Variants in XKR4 observed in about 807,000 individuals in gnomAD.
XKR4 encodes XK related 4.
A neutral mutation model predicts 53.9 loss-of-function variants in XKR4; 12 were observed. The observed-to-expected ratio is 0.22, with a 90% CI of 0.14 to 0.36. XKR4 has a LOEUF of 0.36. Among genes scored for constraint, XKR4 ranks in the 10% least tolerant of loss-of-function variants. XKR4 has a pLI of 1.00. For synonymous variants in XKR4, 354 were observed against 362.4 expected, an observed-to-expected ratio of 0.98 and a Z score of 0.26; for missense variants, 799 against 859.5, an observed-to-expected ratio of 0.93 and a Z score of 0.88.
intron 2 of XKR4, among the ~76,000 whole-genome samples, chr8:55,499,090 G>A (rs1313867478): frequency 6.6e-6 from 1 of 152,166 alleles, no homozygotes; most frequent in Non-Finnish European, 1.5e-5. Flanking sequence ...GTTACTTGAG[G>A]AAACGTTAAC....
intron 1 of XKR4, among the ~76,000 whole-genome samples, chr8:55,177,667 C>T (rs1292571148): frequency 6.6e-6 from 1 of 152,186 alleles, no homozygotes; most frequent in African/African-American, 2.4e-5. Context: ...TCGTAGGCAG[C>T]CTTCACTAAC....
intron 2 of XKR4, among the ~76,000 whole-genome samples, chr8:55,441,673 T>C (rs1354350204): frequency 6.6e-6 from 1 of 152,148 alleles, no homozygotes; most frequent in East Asian, 1.9e-4. Context: ...ACTACAACAT[T>C]CTGAAGTTAT....
intron 1 of XKR4, among the ~76,000 whole-genome samples, chr8:55,161,980 A>G (rs190279580): frequency 3.0e-4 from 46 of 152,252 alleles, no homozygotes; most frequent in Non-Finnish European, 4.9e-4. Flanking sequence ...GTGGTGCCAT[A>G]TTATTTCAAG....
chr8:55,270,152 G>A (rs535062325), intron 1 of XKR4, among the ~76,000 whole-genome samples: 53 of 152,252 alleles, frequency 3.5e-4, no homozygotes, highest in African/African-American at 1.2e-3. Context: ...TCCTTGAGAA[G>A]GATGAATGCC....
At chr8:55,481,210 C>G (rs940264210) in intron 2 of XKR4, among the ~76,000 whole-genome samples, 3 of 151,902 alleles carry the variant, frequency 2.0e-5, no homozygotes, top group Non-Finnish European at 4.4e-5. Flanking sequence ...ATAAGATCAA[C>G]AAAACAGAAC....
chr8:55,236,131 G>A (rs1032946413), intron 1 of XKR4, among the ~76,000 whole-genome samples: 2 of 152,188 alleles, frequency 1.3e-5, no homozygotes, highest in Non-Finnish European at 2.9e-5. Flanking sequence ...AGGACACAGT[G>A]AGTCAGGGCA....
intron 1 of XKR4, among the ~76,000 whole-genome samples, chr8:55,256,846 A>G (rs1051638362): frequency 3.3e-5 from 5 of 152,200 alleles, no homozygotes; most frequent in Admixed American, 6.5e-5. Flanking sequence ...TGGCTGTATA[A>G]CAAAATTTCT....
intron 1 of XKR4, among the ~76,000 whole-genome samples, chr8:55,158,246 C>T (rs1018158081): frequency 3.3e-5 from 5 of 152,160 alleles, no homozygotes; most frequent in South Asian, 2.1e-4. Context: ...TTGCATTTCT[C>T]TAAAGATTAG....
chr8:55,246,232 G>C (rs916626347), intron 1 of XKR4, among the ~76,000 whole-genome samples: 7 of 152,210 alleles, frequency 4.6e-5, no homozygotes, highest in African/African-American at 1.4e-4. Context: ...ACAAGGGTCT[G>C]AAAGAGGACT....
chr8:55,120,784 A>G (rs754393878), intron 1 of XKR4, among the ~76,000 whole-genome samples: 2 of 152,220 alleles, frequency 1.3e-5, no homozygotes, highest in African/African-American at 2.4e-5. Context: ...TGTTTTAAAT[A>G]CTTGTATGAT....
chr8:55,152,307 G>A (rs898859301), intron 1 of XKR4, among the ~76,000 whole-genome samples: 1 of 152,132 alleles, frequency 6.6e-6, no homozygotes, highest in South Asian at 2.1e-4. Context: ...TTTAAAGTTA[G>A]ATGATAGATT....
rs184355556 is a variant in XKR4, at chr8:55,253,204, G to A, written c.807-104474G>A. Among the ~76,000 whole-genome samples, 602 of 152,010 alleles carry A rather than the reference G, an allele frequency of 4.0e-3. 6 individuals carry two copies. The highest frequency in any genetic ancestry group is 0.014 in the African/African-American group (564 of 41,456). ...CTATGCTATGCCTTTTCCTTCCGAC[G>A]TAAATATTCTCTTCCTTCCTCAGCT... On this transcript the variant is annotated intron_variant, in intron 1 of 2. Transcript: ENST00000327381.
At chr8:55,127,565 CTT>C (rs35320407) in intron 1 of XKR4, among the ~76,000 whole-genome samples, 3 of 145,386 alleles carry the variant, frequency 2.1e-5, no homozygotes, top group African/African-American at 7.6e-5. Flanking sequence ...GTGCCTAACT[CTT>C]TTTTTTTTTT....
chr8:55,331,631 T>C (rs1261672127), intron 1 of XKR4, among the ~76,000 whole-genome samples: 1 of 152,172 alleles, frequency 6.6e-6, no homozygotes, highest in African/African-American at 2.4e-5. Context: ...GTCTGATGCT[T>C]GAGGCATATA....
chr8:55,247,865 T>C (rs1437666851), intron 1 of XKR4, among the ~76,000 whole-genome samples: 7 of 127,680 alleles, frequency 5.5e-5, no homozygotes, highest in Non-Finnish European at 7.0e-5. Context: ...CTTTTTTTTT[T>C]TTTTTTTTTG....
chr8:55,518,090 A>C (rs1476229051), intron 2 of XKR4, among the ~76,000 whole-genome samples: 3 of 152,218 alleles, frequency 2.0e-5, no homozygotes, highest in Non-Finnish European at 4.4e-5. Flanking sequence ...GAATCAAAGA[A>C]TTCGAGCACT....
intron 1 of XKR4, among the ~76,000 whole-genome samples, chr8:55,336,447 T>A (rs972249540): frequency 6.6e-6 from 1 of 152,182 alleles, no homozygotes; most frequent in Non-Finnish European, 1.5e-5. Context: ...ACTAATACAC[T>A]GGGCAAAAGT....
chr8:55,448,317 T>C (rs1277220100), intron 2 of XKR4, among the ~76,000 whole-genome samples: 1 of 152,222 alleles, frequency 6.6e-6, no homozygotes, highest in Non-Finnish European at 1.5e-5. Context: ...AGATGCGGTG[T>C]GCACAAGTAC....
At chr8:55,227,929 TAG>T in intron 1 of XKR4, among the ~76,000 whole-genome samples, 1 of 152,294 alleles carries the variant, frequency 6.6e-6, no homozygotes, top group South Asian at 2.1e-4. Flanking sequence ...TTTTTTGAGA[TAG>T]AGTCTTGCTA....
Sources: allele counts gnomAD v4.1 joint callset (sites outside exome capture counted in the v4.1 genomes callset), GRCh38; gene constraint gnomAD v4.1.1; transcripts MANE v1.5; gene names NCBI Gene and HGNC (gene_info 2026-07-23, HGNC 2026-07-21).